The following SENP7 variants were observed in gnomAD, a reference collection of about 807,000 sequenced individuals.
SENP7 encodes the protein SUMO specific peptidase 7.
SENP7 carries 64 observed loss-of-function variants against 141.2 expected under a neutral mutation model. The ratio of observed to expected loss-of-function variants is 0.45; its 90% CI spans 0.37 to 0.56. The LOEUF (loss-of-function observed/expected upper bound fraction) is 0.56. Ranked by LOEUF, SENP7 falls within the 20% of genes least tolerant of loss-of-function variation. The pLI, the probability that SENP7 is intolerant of heterozygous loss-of-function variation, is 0.00. For synonymous variants in SENP7, 382 were observed against 426.4 expected, an observed-to-expected ratio of 0.90 and a Z score of 1.28; for missense variants, 1,025 against 1,212.2, an observed-to-expected ratio of 0.85 and a Z score of 2.29.
chr3:101,326,103 G>A (rs1351328163), intron 23 of SENP7, 23 bp from the exon 24 acceptor site: 4 of 1,541,560 alleles, frequency 2.6e-6, no homozygotes, highest in South Asian at 1.3e-5. Context: ...AAAAAAGAGT[G>A]TAATCACTTT....
In SENP7 at chr3:101,385,045, C is replaced by T. The variant is rs138584276; in HGVS notation, c.678-12919G>A. 5.6e-4 allele frequency among the ~76,000 whole-genome samples: 85 copies of T among 152,180 alleles called. No individual in the cohort carries two copies. In the East Asian group the frequency reaches 0.013, roughly 23 times the overall value. On this transcript the variant is annotated intron_variant, in intron 6 of 23. Transcript: ENST00000394095. ...GAAAACAATTATATATTTTTGCCTA[C>T]GGCTTATCAAAAAAAGTTTAATCGT...
At chr3:101,463,394 TATAC>T (rs1412454298) in intron 3 of SENP7, among the ~76,000 whole-genome samples, 146 of 86,798 alleles carry the variant, frequency 1.7e-3, no homozygotes, top group African/African-American at 6.8e-3. Flanking sequence ...TATATATATA[TATAC>T]ATATATATAT....
intron 3 of SENP7, among the ~76,000 whole-genome samples, chr3:101,480,842 C>T (rs2064440626): frequency 6.6e-6 from 1 of 151,772 alleles, no homozygotes; most frequent in Admixed American, 6.6e-5. Context: ...TCTTAAAAGA[C>T]ATACAAATGG....
chr3:101,421,470 A>G (rs1185205817), intron 4 of SENP7, among the ~76,000 whole-genome samples: 2 of 152,236 alleles, frequency 1.3e-5, no homozygotes, highest in Non-Finnish European at 1.5e-5. Flanking sequence ...TATTTGCTAA[A>G]TTATTGAGGA....
Position 101,324,471 on chromosome 3 carries a change from A to G in SENP7, c.*1472T>C, listed in dbSNP as rs1267660717. 3 of 152,092 alleles carry G rather than the reference A, an allele frequency of 2.0e-5. No homozygotes were observed. In the East Asian group the frequency reaches 5.8e-4, roughly 29 times the overall value. The allele number at this position is 152,092 out of a possible 1,614,324, so 9.4% of individuals were successfully genotyped here. On this transcript the variant is annotated 3_prime_UTR_variant, in exon 24 of 24. Coordinates refer to ENST00000394095, the MANE Select transcript of SENP7 (RefSeq NM_020654.5). ...CTTGCTTTCCCAAAATTAGATGTACAAAACAATAGTCACCTTTAAAAGTAC... is the reference window on the plus strand; with the variant it reads ...CTTGCTTTCCCAAAATTAGATGTACGAAACAATAGTCACCTTTAAAAGTAC...
At chr3:101,351,689 CTCAAAATGTGTTACTAT>C in intron 11 of SENP7, 38 bp from the exon 12 acceptor site, 1 of 1,290,408 alleles carries the variant, frequency 7.7e-7, no homozygotes, top group Non-Finnish European at 1.0e-6. Flanking sequence ...TGAGTTACCA[CTCAAAATGTGTTACTAT>C]TCAAATTTTT....
intron 6 of SENP7, among the ~76,000 whole-genome samples, chr3:101,377,020 A>G (rs1432336471): frequency 2.0e-5 from 3 of 152,210 alleles, no homozygotes; most frequent in Non-Finnish European, 2.9e-5. Flanking sequence ...GCCTTGTGGA[A>G]GAAGAATTTC....
chr3:101,379,687 G>A (rs903078285), intron 6 of SENP7, among the ~76,000 whole-genome samples: 16 of 152,136 alleles, frequency 1.1e-4, no homozygotes, highest in East Asian at 1.9e-4. Flanking sequence ...AAGTATTGGC[G>A]AGATATGGAG....
At chr3:101,423,403 A>G (rs1349130761) in intron 4 of SENP7, among the ~76,000 whole-genome samples, 1 of 152,220 alleles carries the variant, frequency 6.6e-6, no homozygotes, top group Non-Finnish European at 1.5e-5. Flanking sequence ...TGACCATGTA[A>G]GTGTTGGCAG....
chr3:101,511,038 C>A (rs1032212591), intron 1 of SENP7, among the ~76,000 whole-genome samples: 1 of 152,018 alleles, frequency 6.6e-6, no homozygotes, highest in South Asian at 2.1e-4. Flanking sequence ...TTAATTAGTG[C>A]ACATCTTAAA....
intron 20 of SENP7, among the ~76,000 whole-genome samples, chr3:101,329,629 T>G (rs963540012): frequency 3.9e-5 from 6 of 151,912 alleles, no homozygotes; most frequent in Non-Finnish European, 8.8e-5. Context: ...TCAGTCTACC[T>G]TGAATGATTT....
At chr3:101,369,368 C>T (rs1260492740) in intron 7 of SENP7, among the ~76,000 whole-genome samples, 3 of 152,138 alleles carry the variant, frequency 2.0e-5, no homozygotes, top group Non-Finnish European at 4.4e-5. Context: ...ACTATTCTTG[C>T]TTTTACTGTA....
chr3:101,341,157 G>C (rs1349571009), intron 15 of SENP7, among the ~76,000 whole-genome samples: 2 of 152,078 alleles, frequency 1.3e-5, no homozygotes, highest in Non-Finnish European at 2.9e-5. Context: ...ATCACATGGA[G>C]GTACAGAAAT....
intron 10 of SENP7, among the ~76,000 whole-genome samples, chr3:101,364,099 G>A (rs957037979): frequency 6.6e-6 from 1 of 152,100 alleles, no homozygotes; most frequent in Admixed American, 6.6e-5. Context: ...TTGCTGGCAT[G>A]AGCCTATGGT....
intron 7 of SENP7, among the ~76,000 whole-genome samples, chr3:101,369,875 T>C (rs1327520734): frequency 5.3e-5 from 8 of 152,092 alleles, no homozygotes; most frequent in Non-Finnish European, 1.2e-4. Context: ...TACTAGCATA[T>C]AAAACTAAAG....
At chr3:101,370,264 G>C (rs1460987653) in intron 7 of SENP7, among the ~76,000 whole-genome samples, 2 of 152,130 alleles carry the variant, frequency 1.3e-5, no homozygotes, top group Non-Finnish European at 2.9e-5. Context: ...TTTTATTCAA[G>C]TCAATGTGAG....
chr3:101,350,739 T>C (rs1576044070), intron 12 of SENP7, among the ~76,000 whole-genome samples: 1 of 152,000 alleles, frequency 6.6e-6, no homozygotes, highest in South Asian at 2.1e-4. Context: ...GAAATTATCA[T>C]CCCCTTTTAA....
chr3:101,364,066 T>C (rs1158270018), intron 10 of SENP7, among the ~76,000 whole-genome samples: 1 of 151,820 alleles, frequency 6.6e-6, no homozygotes, highest in African/African-American at 2.4e-5. Flanking sequence ...AAATAGTATA[T>C]ATTTTAAAAA....
chr3:101,476,747 A>T (rs11919991), intron 3 of SENP7, among the ~76,000 whole-genome samples: 60,399 of 151,850 alleles, frequency 0.4, 12,522 homozygotes, highest in Admixed American at 0.54. Context: ...TTTCTCTACA[A>T]CCTCTCCAGT....
Sources: gnomAD v4.1 joint callset for allele counts (sites outside exome capture counted in the v4.1 genomes callset) on GRCh38, gnomAD v4.1.1 for gene constraint, MANE v1.5 for transcripts, NCBI Gene and HGNC (gene_info 2026-07-23, HGNC 2026-07-21) for gene names.